KIAA1328: variants seen among roughly 807,000 people sequenced by gnomAD.
KIAA1328 encodes the protein protein hinderin.
Under a neutral mutation model 68.1 loss-of-function variants are expected in KIAA1328, and 52 were observed. The observed-to-expected ratio is 0.76, with a 90% CI of 0.61 to 0.96. KIAA1328 has a LOEUF of 0.96. KIAA1328 is among the 40% of genes least tolerant of loss of function. KIAA1328 has a pLI of 0.00. For synonymous variants in KIAA1328, 232 were observed against 239.4 expected, an observed-to-expected ratio of 0.97 and a Z score of 0.28; for missense variants, 641 against 677.6, an observed-to-expected ratio of 0.95 and a Z score of 0.60.
intron 6 of KIAA1328, among the ~76,000 whole-genome samples, chr18:36,973,904 G>T (rs1215789770): frequency 6.6e-6 from 1 of 150,944 alleles, no homozygotes; most frequent in Non-Finnish European, 1.5e-5. Flanking sequence ...TTAATACCTG[G>T]TTATTGACCT....
chr18:37,115,039 A>C (rs942732755), intron 7 of KIAA1328, among the ~76,000 whole-genome samples: 4 of 152,216 alleles, frequency 2.6e-5, no homozygotes, highest in African/African-American at 9.6e-5. Flanking sequence ...ACCAACAAAA[A>C]AAAGTCCAGG....
intron 9 of KIAA1328, among the ~76,000 whole-genome samples, chr18:37,173,874 C>A (rs2154214027): frequency 6.6e-6 from 1 of 152,308 alleles, no homozygotes; most frequent in South Asian, 2.1e-4. Context: ...TCTTCCTCCT[C>A]TAAAAAGTTG....
intron 5 of KIAA1328, among the ~76,000 whole-genome samples, chr18:36,894,598 C>T (rs1285595311): frequency 6.6e-6 from 1 of 152,028 alleles, no homozygotes; most frequent in East Asian, 1.9e-4. Context: ...AGTCATGGCT[C>T]ACTGCAGCCT....
At chr18:37,027,002 G>C (rs1243019889) in intron 6 of KIAA1328, among the ~76,000 whole-genome samples, 1 of 152,150 alleles carries the variant, frequency 6.6e-6, no homozygotes, top group East Asian at 1.9e-4. Context: ...ATCTCCTTAA[G>C]CTGATAAGCA....
intron 6 of KIAA1328, among the ~76,000 whole-genome samples, chr18:37,044,856 TAGC>T (rs1325665900): frequency 6.8e-6 from 1 of 146,594 alleles, no homozygotes; most frequent in Admixed American, 6.8e-5. Flanking sequence ...CTTATGAAAA[TAGC>T]AGCAAAGTTT....
At chr18:36,896,820 T>G (rs1198899928) in intron 5 of KIAA1328, among the ~76,000 whole-genome samples, 1 of 152,160 alleles carries the variant, frequency 6.6e-6, no homozygotes, top group Non-Finnish European at 1.5e-5. Flanking sequence ...TAAAGGGCTA[T>G]CTGATGTACT....
At chr18:36,888,569 G>GT (rs543049421) in intron 5 of KIAA1328, among the ~76,000 whole-genome samples, 15 of 151,928 alleles carry the variant, frequency 9.9e-5, no homozygotes, top group African/African-American at 2.9e-4. Flanking sequence ...ACTGGTTTAA[G>GT]TTTTTTTTAA....
rs531699870 is a variant in KIAA1328 at position 36,997,711 on chromosome 18, G to A, written c.576+38276G>A. Among the ~76,000 whole-genome samples the A allele has an allele frequency of 4.6e-5, 7 of 152,276 alleles. No individual in the cohort carries two copies. The East Asian group carries it at 9.7e-4, about 21-fold the overall frequency. On this transcript the variant is annotated intron_variant, in intron 6 of 9. Coordinates refer to ENST00000280020, the MANE Select transcript of KIAA1328 (RefSeq NM_020776.3). Reference sequence around the variant, plus strand: ...ACTCAGGCTGTTGCTACTGAGACTCGGGCAAGAGCTGGTAGGGCTCCTGTA... The same window carrying A: ...ACTCAGGCTGTTGCTACTGAGACTCAGGCAAGAGCTGGTAGGGCTCCTGTA...
chr18:37,022,028 A>C (rs745697831), intron 6 of KIAA1328, among the ~76,000 whole-genome samples: 1 of 152,118 alleles, frequency 6.6e-6, no homozygotes. Context: ...CAACAGAGTG[A>C]GACTCTGTCT....
intron 5 of KIAA1328, among the ~76,000 whole-genome samples, chr18:36,906,013 A>G (rs2049207834): frequency 6.6e-6 from 1 of 152,150 alleles, no homozygotes; most frequent in Non-Finnish European, 1.5e-5. Flanking sequence ...TTTACATGGG[A>G]AACAACTTAT....
chr18:37,152,770 C>T (rs977956512), intron 7 of KIAA1328, among the ~76,000 whole-genome samples: 16 of 152,098 alleles, frequency 1.1e-4, no homozygotes, highest in African/African-American at 2.9e-4. Flanking sequence ...ATTATTTAAG[C>T]AGTTAGAGAG....
chr18:37,193,342 C>A (rs568117764), intron 9 of KIAA1328, among the ~76,000 whole-genome samples: 14 of 152,070 alleles, frequency 9.2e-5, no homozygotes, highest in Admixed American at 7.2e-4. Context: ...ATACATAAAC[C>A]ATATGGGTTA....
chr18:37,026,225 T>C (rs1441018238), intron 6 of KIAA1328, among the ~76,000 whole-genome samples: 2 of 152,134 alleles, frequency 1.3e-5, no homozygotes, highest in Non-Finnish European at 2.9e-5. Flanking sequence ...ATTCAGGCAA[T>C]AATTAATAGC....
intron 7 of KIAA1328, among the ~76,000 whole-genome samples, chr18:37,159,717 G>A (rs1035758828): frequency 3.3e-5 from 5 of 152,106 alleles, no homozygotes; most frequent in African/African-American, 1.2e-4. Context: ...TCTTCTACGT[G>A]CACTGTTACA....
In KIAA1328 at chr18:37,070,126, G is replaced by T. The variant is rs148283945; in HGVS notation, c.1232+2581G>T. On this transcript the variant is annotated intron_variant, in intron 7 of 9. Transcript: ENST00000280020. ...TATATTTAGTTTCCAAGTTCTTAAA[G>T]ATTTTCCTGTTTTCTGTTTCTGATT... 6.8e-3 allele frequency among the ~76,000 whole-genome samples: 1,038 copies of T among 152,180 alleles called. 16 individuals carry two copies. The highest frequency in any genetic ancestry group is 0.023 in the African/African-American group (963 of 41,532).
At chr18:36,946,805 A>C (rs754051289) in intron 5 of KIAA1328, among the ~76,000 whole-genome samples, 10 of 152,196 alleles carry the variant, frequency 6.6e-5, no homozygotes, top group African/African-American at 9.6e-5. Flanking sequence ...GTTCCTGGTG[A>C]TAGGTGCTTA....
At position 36,933,281 on chromosome 18, in the gene KIAA1328, C is replaced by A. The variant is rs1197703713; in HGVS notation, c.449-26027C>A. 2.6e-5 allele frequency among the ~76,000 whole-genome samples: 4 copies of A among 152,064 alleles called. No individual in the cohort carries two copies. In the East Asian group the frequency reaches 7.7e-4, roughly 29 times the overall value. ...CTTTTGTATTTCCATGTGTTTGCAG[C>A]CCTGCTCTGTGGTGGTGGTGGTGGA... is the stretch of plus-strand genomic sequence containing the variant. On this transcript the variant is annotated intron_variant, in intron 5 of 9. Coordinates refer to ENST00000280020, the MANE Select transcript of KIAA1328 (RefSeq NM_020776.3).
chr18:36,971,123 A>C (rs1300296073), intron 6 of KIAA1328, among the ~76,000 whole-genome samples: 4 of 152,176 alleles, frequency 2.6e-5, no homozygotes, highest in Non-Finnish European at 5.9e-5. Flanking sequence ...ATGGAACAGA[A>C]CAGAGGCCTC....
At chr18:36,868,711 C>T (rs1464153301) in intron 4 of KIAA1328, among the ~76,000 whole-genome samples, 1 of 152,128 alleles carries the variant, frequency 6.6e-6, no homozygotes, top group Non-Finnish European at 1.5e-5. Context: ...TATTTCATGT[C>T]CTAAGCCCAT....
Sources: gnomAD v4.1 joint callset for allele counts (sites outside exome capture counted in the v4.1 genomes callset) on GRCh38, gnomAD v4.1.1 for gene constraint, MANE v1.5 for transcripts, NCBI Gene and HGNC (gene_info 2026-07-23, HGNC 2026-07-21) for gene names.